Variants in SVEP1 observed in about 807,000 individuals in gnomAD.
SVEP1 encodes the protein sushi, von Willebrand factor type A, EGF and pentraxin domain-containing protein 1.
A neutral mutation model predicts 367.3 loss-of-function variants in SVEP1; 164 were observed. That is an observed-to-expected ratio of 0.45 (90% CI 0.39 to 0.51). The LOEUF (loss-of-function observed/expected upper bound fraction) is 0.51. SVEP1 is among the 20% of genes least tolerant of loss of function. The probability of loss-of-function intolerance (pLI) is 0.00; values close to 1 mark genes in which losing one functional copy is unlikely to be tolerated. For missense variants in SVEP1, 4,117 were observed against 4,425.3 expected, an observed-to-expected ratio of 0.93 and a Z score of 1.98; for synonymous variants, 1,666 against 1,611.6, an observed-to-expected ratio of 1.03 and a Z score of -0.81.
At chr9:110,525,716 GA>G (rs994224020) in intron 3 of SVEP1, among the ~76,000 whole-genome samples, 3 of 151,000 alleles carry the variant, frequency 2.0e-5, no homozygotes, top group Non-Finnish European at 4.4e-5. Context: ...TAGATCAACA[GA>G]ACAGAAGAGC....
At chr9:110,389,850 T>G (rs1827599793) in intron 40 of SVEP1, among the ~76,000 whole-genome samples, 1 of 135,390 alleles carries the variant, frequency 7.4e-6, no homozygotes, top group Admixed American at 8.4e-5. Flanking sequence ...GGCAACTAAT[T>G]ATAATCTGTA....
At position 110,406,889 on chromosome 9, in the gene SVEP1, C is replaced by G. The variant is rs373645302; in HGVS notation, c.8711G>C (p.Gly2904Ala). 1 of 1,613,856 alleles carries G rather than the reference C, an allele frequency of 6.2e-7. No individual in the cohort carries two copies. The highest frequency in any genetic ancestry group is 2.2e-5 in the East Asian group (1 of 44,898). ...PPQLANGVTE[G>A]LDYGFMKEVT... ...TTCCTTCATGAAGCCATAGTCCAGG[C>G]CTTCCGTCACCCCATTGGCCAGTTG... Residue 2904 changes from glycine (G) to alanine (A), a missense_variant, in exon 38 of 48, where the codon GGC (glycine) becomes GCC (alanine). This residue lies in a region of SVEP1 where 1,765 missense variants were observed against 1,781.1 expected (regional missense o/e 0.99). Coordinates refer to ENST00000374469, the MANE Select transcript of SVEP1 (RefSeq NM_153366.4).
chr9:110,487,017 T>G (rs1452160155), intron 9 of SVEP1, among the ~76,000 whole-genome samples: 1 of 151,906 alleles, frequency 6.6e-6, no homozygotes, highest in Non-Finnish European at 1.5e-5. Context: ...AGTGCAATGG[T>G]GCGATCTCAG....
chr9:110,402,159 A>G (rs1279284528), intron 39 of SVEP1, among the ~76,000 whole-genome samples: 1 of 152,034 alleles, frequency 6.6e-6, no homozygotes, highest in African/African-American at 2.4e-5. Context: ...TTTTATTTTA[A>G]TCATTTATTA....
chr9:110,476,139 T>A (rs1253038259), intron 14 of SVEP1, 65 bp downstream of exon 14: 3 of 1,026,900 alleles, frequency 2.9e-6, no homozygotes, highest in Non-Finnish European at 4.5e-6. Flanking sequence ...TGCCTCACTT[T>A]TCTGGAATTA....
chr9:110,407,427 T>G lies in SVEP1; in HGVS notation c.8173A>C (p.Asn2725His), dbSNP rs1169979774. 6.2e-7 allele frequency: 1 copy of G among 1,613,872 alleles called. No homozygotes were observed. The highest frequency in any genetic ancestry group is 8.5e-7 in the Non-Finnish European group (1 of 1,179,910). Residue 2725 changes from asparagine to histidine, a missense_variant, in exon 38 of 48, where the codon AAT becomes CAT. Physicochemically the swap from Asn to His is moderately conservative, Grantham distance 68. Coordinates refer to ENST00000374469, the MANE Select transcript of SVEP1 (RefSeq NM_153366.4). Reference protein sequence around the residue: ...IECDLPTAPENGFLRFTETSM... With the variant: ...IECDLPTAPEHGFLRFTETSM... Reference sequence around the variant, plus strand: ...GTCTCTGTAAAACGCAAAAAGCCATTTTCAGGAGCAGTAGGCAAGTCACAT... The same window carrying G: ...GTCTCTGTAAAACGCAAAAAGCCATGTTCAGGAGCAGTAGGCAAGTCACAT...
intron 23 of SVEP1, among the ~76,000 whole-genome samples, chr9:110,450,967 C>T (rs1423787720): frequency 1.3e-5 from 2 of 152,042 alleles, no homozygotes; most frequent in African/African-American, 4.8e-5. Flanking sequence ...ACTTTTAAAC[C>T]ATATTATTGT....
intron 13 of SVEP1, among the ~76,000 whole-genome samples, chr9:110,478,964 G>C (rs1367317838): frequency 6.6e-6 from 1 of 151,452 alleles, no homozygotes; most frequent in Non-Finnish European, 1.5e-5. Flanking sequence ...CTGTTGCCCA[G>C]GCTGGAGTGC....
intron 2 of SVEP1, among the ~76,000 whole-genome samples, chr9:110,548,764 C>T (rs1169509388): frequency 6.6e-6 from 1 of 152,172 alleles, no homozygotes; most frequent in Non-Finnish European, 1.5e-5. Context: ...TGTCCTAAGT[C>T]CTTGCTCACT....
chr9:110,449,913 T>G (rs1588058990), intron 24 of SVEP1, 146 bp downstream of exon 24: 14 of 914,854 alleles, frequency 1.5e-5, no homozygotes. Flanking sequence ...GAAATGGCGG[T>G]GGGAATATTC....
intron 1 of SVEP1, among the ~76,000 whole-genome samples, chr9:110,576,194 T>G (rs571131660): frequency 4.6e-5 from 7 of 152,158 alleles, no homozygotes; most frequent in South Asian, 2.1e-4. Flanking sequence ...ACACAATGTT[T>G]GTAACAGCCT....
chr9:110,479,554 G>C, intron 13 of SVEP1, 81 bp downstream of exon 13: 8 of 1,449,470 alleles, frequency 5.5e-6, no homozygotes, highest in Non-Finnish European at 7.3e-6. Flanking sequence ...AATAGGATGA[G>C]AAATCGCAGT....
chr9:110,568,681 T>C (rs560577519), intron 1 of SVEP1, among the ~76,000 whole-genome samples: 2 of 152,276 alleles, frequency 1.3e-5, no homozygotes, highest in African/African-American at 4.8e-5. Flanking sequence ...TAAGGATGAT[T>C]ACAAATGCAC....
At position 110,556,740 on chromosome 9, in the gene SVEP1, C is replaced by A. The variant is rs139552995; in HGVS notation, c.532-6636G>T. Reference sequence around the variant, plus strand: ...CTGACCTCAGGTGATCCACCCAGCTCAGCCTCCCAAAGTGCTGGGATTACA... The same window carrying A: ...CTGACCTCAGGTGATCCACCCAGCTAAGCCTCCCAAAGTGCTGGGATTACA... On this transcript the variant is annotated intron_variant, in intron 1 of 47. Transcript: ENST00000374469. 4.5e-3 allele frequency among the ~76,000 whole-genome samples: 687 copies of A among 152,208 alleles called. 5 individuals carry two copies. Among genetic ancestry groups the A allele is most frequent in the African/African-American group, 0.015 (638 of 41,530 alleles).
intron 22 of SVEP1, among the ~76,000 whole-genome samples, chr9:110,452,379 A>G (rs1008796217): frequency 1.3e-5 from 2 of 152,220 alleles, no homozygotes; most frequent in African/African-American, 4.8e-5. Context: ...AGTTTTTACT[A>G]TGATTCAACA....
At chr9:110,428,157 G>A (rs1237678406) in intron 35 of SVEP1, among the ~76,000 whole-genome samples, 1 of 152,068 alleles carries the variant, frequency 6.6e-6, no homozygotes, top group Non-Finnish European at 1.5e-5. Flanking sequence ...AGGTCAAAGG[G>A]AACTGTCCAG....
intron 3 of SVEP1, among the ~76,000 whole-genome samples, chr9:110,522,617 G>C (rs1482684629): frequency 6.6e-6 from 1 of 152,118 alleles, no homozygotes; most frequent in Non-Finnish European, 1.5e-5. Flanking sequence ...AGAGAGAATC[G>C]GCATATGTCA....
chr9:110,492,304 G>A (rs1305690958), intron 8 of SVEP1, among the ~76,000 whole-genome samples: 2 of 151,224 alleles, frequency 1.3e-5, no homozygotes, highest in African/African-American at 4.9e-5. Context: ...GATTTTTGAA[G>A]GGATGTAAAA....
chr9:110,405,855 T>G (rs1478579450), intron 38 of SVEP1, among the ~76,000 whole-genome samples: 1 of 152,228 alleles, frequency 6.6e-6, no homozygotes, highest in Non-Finnish European at 1.5e-5. Context: ...AAAAACAGCT[T>G]CACGATTCCG....
Sources: gnomAD v4.1 joint callset for allele counts (sites outside exome capture counted in the v4.1 genomes callset) on GRCh38, gnomAD v4.1.1 for gene constraint, gnomAD v4.1.1 regional missense constraint, MANE v1.5 for transcripts, NCBI Gene and HGNC (gene_info 2026-07-23, HGNC 2026-07-21) for gene names.